The following MLLT10 variants were observed in gnomAD, a reference collection of about 807,000 sequenced individuals.
MLLT10 encodes the protein protein AF-10.
In MLLT10, 30 loss-of-function variants were observed where a neutral mutation model predicts 129.1. The observed-to-expected ratio is 0.23, with a 90% confidence interval of 0.17 to 0.32. MLLT10 has a LOEUF of 0.32. Ranked by LOEUF, MLLT10 falls within the 10% of genes least tolerant of loss-of-function variation. The pLI is 1.00. For missense variants in MLLT10, 1,119 were observed against 1,268.3 expected, an observed-to-expected ratio of 0.88 and a Z score of 1.79; for synonymous variants, 490 against 446.4, an observed-to-expected ratio of 1.10 and a Z score of -1.23.
At chr10:21,587,293 GC>G (rs920849998) in intron 4 of MLLT10, among the ~76,000 whole-genome samples, 48 of 151,892 alleles carry the variant, frequency 3.2e-4, no homozygotes, top group African/African-American at 1.1e-3. Flanking sequence ...GGTGGCACGT[GC>G]CTGCAGTTCC....
chr10:21,735,469 G>A (rs2058286050), intron 21 of MLLT10, among the ~76,000 whole-genome samples: 1 of 152,232 alleles, frequency 6.6e-6, no homozygotes, highest in South Asian at 2.1e-4. Context: ...GTAACACAGT[G>A]CTGAGATGTG....
intron 4 of MLLT10, among the ~76,000 whole-genome samples, chr10:21,593,954 A>C (rs1421156393): frequency 6.0e-5 from 9 of 149,090 alleles, no homozygotes; most frequent in Non-Finnish European, 8.9e-5. Context: ...AAAAAAAAAA[A>C]AAAAGGTGGA....
intron 9 of MLLT10, among the ~76,000 whole-genome samples, chr10:21,664,315 T>TACAA (rs2050519150): frequency 6.6e-6 from 1 of 151,586 alleles, no homozygotes; most frequent in Non-Finnish European, 1.5e-5. Flanking sequence ...GCTTTTTGTT[T>TACAA]GTTTGTTTTT....
chr10:21,717,519 A>ACCTC, intron 14 of MLLT10, among the ~76,000 whole-genome samples: 1 of 75,284 alleles, frequency 1.3e-5, no homozygotes, highest in East Asian at 4.3e-4. Flanking sequence ...CTCCTCCACC[A>ACCTC]CCTCCTCCTC....
intron 3 of MLLT10, among the ~76,000 whole-genome samples, chr10:21,548,219 A>G (rs2036416532): frequency 1.3e-5 from 2 of 151,722 alleles, no homozygotes; most frequent in South Asian, 4.2e-4. Flanking sequence ...CATTCTGAGG[A>G]CTCAGTGTCC....
chr10:21,543,440 G>A (rs1266454193), intron 3 of MLLT10, among the ~76,000 whole-genome samples: 2 of 151,714 alleles, frequency 1.3e-5, no homozygotes, highest in African/African-American at 2.4e-5. Context: ...TAAAGAAGAG[G>A]CAAAAGCAAA....
At chr10:21,535,393 C>G (rs1413639445) in intron 2 of MLLT10, among the ~76,000 whole-genome samples, 2 of 152,120 alleles carry the variant, frequency 1.3e-5, no homozygotes, top group East Asian at 3.9e-4. Flanking sequence ...CCGCCGCCGC[C>G]CGGTAGCTGT....
At chr10:21,603,529 A>G (rs375004265) in intron 5 of MLLT10, among the ~76,000 whole-genome samples, 3 of 152,326 alleles carry the variant, frequency 2.0e-5, no homozygotes, top group African/African-American at 7.2e-5. Context: ...TGTCAAATAT[A>G]TAAAACAGTA....
intron 3 of MLLT10, among the ~76,000 whole-genome samples, chr10:21,563,111 C>G (rs1400446064): frequency 5.3e-5 from 8 of 152,108 alleles, no homozygotes. Context: ...TCCTGCTGTG[C>G]TTTTATAGCC....
chr10:21,661,463 G>A (rs956071943), intron 9 of MLLT10, among the ~76,000 whole-genome samples: 2 of 152,090 alleles, frequency 1.3e-5, no homozygotes, highest in Non-Finnish European at 1.5e-5. Context: ...ACACATTAAG[G>A]ATTGTTATGT....
At position 21,742,668 on chromosome 10, in the gene MLLT10, T is replaced by TTGAG. The variant is rs1833827237; in HGVS notation, c.*687_*690dup. 4.5e-6 allele frequency: 1 copy of TTGAG among 223,768 alleles called. No individual in the cohort carries two copies. The highest frequency in any genetic ancestry group is 8.9e-6 in the Non-Finnish European group (1 of 112,344). 13.9% of individuals were successfully genotyped at this position (223,768 alleles called of 1,614,324 possible). On this transcript the variant is annotated 3_prime_UTR_variant, in exon 23 of 23. Transcript: ENST00000307729. Reference sequence around the variant, plus strand: ...GACCTACTCATATTTTGAAGAAATCTTGAGTTAAGTGAGTTCTGAGGCTGC... The same window carrying TTGAG: ...GACCTACTCATATTTTGAAGAAATCTTGAGTGAGTTAAGTGAGTTCTGAGGCTGC...
At chr10:21,538,126 T>C (rs1235675370) in intron 2 of MLLT10, among the ~76,000 whole-genome samples, 1 of 151,680 alleles carries the variant, frequency 6.6e-6, no homozygotes, top group Non-Finnish European at 1.5e-5. Context: ...TAGCTGGGAC[T>C]GTAGGCACAT....
At chr10:21,553,273 C>G (rs1405223768) in intron 3 of MLLT10, among the ~76,000 whole-genome samples, 4 of 151,858 alleles carry the variant, frequency 2.6e-5, no homozygotes, top group Non-Finnish European at 5.9e-5. Context: ...AGATATTTCT[C>G]TACTGCCTTT....
At position 21,625,892 on chromosome 10, in the gene MLLT10, AG is replaced by A; in HGVS notation, c.699+8689del. The A allele has an allele frequency of 3.8e-6, 3 of 781,864 alleles. No homozygotes were observed. In the South Asian group the frequency reaches 4.0e-5, roughly 10 times the overall value. 48.4% of individuals were successfully genotyped at this position (781,864 alleles called of 1,614,324 possible). On this transcript the variant is annotated intron_variant, in intron 8 of 22. Transcript: ENST00000307729. ...CCAAATGGGACTGGCCTTCTCAAAA[AG>A]GGGCACCAACTCATCCTCATATACA...
chr10:21,602,742 T>G (rs1201589494), intron 5 of MLLT10, among the ~76,000 whole-genome samples: 4 of 152,126 alleles, frequency 2.6e-5, no homozygotes, highest in Non-Finnish European at 5.9e-5. Context: ...TCTTTTTTTT[T>G]TTTTGAGACA....
At chr10:21,619,029 TACACAC>T (rs66469025) in intron 8 of MLLT10, among the ~76,000 whole-genome samples, 20,596 of 143,774 alleles carry the variant, frequency 0.14, 1,486 homozygotes, top group Middle Eastern at 0.29. Context: ...CCTGGTGACA[TACACAC>T]ACACACACAC....
At chr10:21,593,668 T>A (rs1477005830) in intron 4 of MLLT10, among the ~76,000 whole-genome samples, 1 of 151,998 alleles carries the variant, frequency 6.6e-6, no homozygotes, top group Non-Finnish European at 1.5e-5. Context: ...AGCTCATGTC[T>A]GTATTCCCAC....
intron 5 of MLLT10, among the ~76,000 whole-genome samples, chr10:21,599,495 G>T (rs12249032): frequency 0.056 from 8,458 of 152,108 alleles, 775 homozygotes; most frequent in African/African-American, 0.19. Context: ...ACAAAACAGG[G>T]TTCATTTTAA....
intron 8 of MLLT10, among the ~76,000 whole-genome samples, chr10:21,631,329 A>G (rs2046988215): frequency 6.6e-6 from 1 of 151,168 alleles, no homozygotes; most frequent in Non-Finnish European, 1.5e-5. Context: ...AAAAAAAAAA[A>G]AAAAAAGAAA....
Sources: allele counts gnomAD v4.1 joint callset (sites outside exome capture counted in the v4.1 genomes callset), GRCh38; gene constraint gnomAD v4.1.1; transcripts MANE v1.5; gene names NCBI Gene and HGNC (gene_info 2026-07-23, HGNC 2026-07-21).